ADCY2: variants seen among roughly 807,000 people sequenced by gnomAD.
The protein encoded by ADCY2 is adenylate cyclase type 2.
ADCY2 carries 31 observed loss-of-function variants against 125.2 expected under a neutral mutation model. That is an observed-to-expected ratio of 0.25 (90% CI 0.19 to 0.33). ADCY2 has a LOEUF of 0.33. ADCY2 is among the 10% of genes least tolerant of loss of function. The pLI, the probability that ADCY2 is intolerant of heterozygous loss-of-function variation, is 1.00. For missense variants in ADCY2, 904 were observed against 1,418.2 expected (o/e 0.64, Z 5.82); for synonymous variants, 512 against 548.4 (o/e 0.93, Z 0.93).
At chr5:7,441,268 AT>A (rs1741003642) in intron 2 of ADCY2, among the ~76,000 whole-genome samples, 1 of 152,154 alleles carries the variant, frequency 6.6e-6, no homozygotes, top group African/African-American at 2.4e-5. Flanking sequence ...ACGGAATGGA[AT>A]TGCAGCAGCA....
intron 18 of ADCY2, among the ~76,000 whole-genome samples, chr5:7,774,186 C>T (rs1743643439): frequency 6.6e-6 from 1 of 152,200 alleles, no homozygotes; most frequent in South Asian, 2.1e-4. Context: ...CAATAAGAAC[C>T]TTTGCAGAAG....
intron 3 of ADCY2, among the ~76,000 whole-genome samples, chr5:7,521,439 A>G (rs1381917812): frequency 6.6e-6 from 1 of 152,230 alleles, no homozygotes; most frequent in Non-Finnish European, 1.5e-5. Flanking sequence ...AAGCCATTCT[A>G]TTTAATTAGT....
intron 2 of ADCY2, among the ~76,000 whole-genome samples, chr5:7,482,228 T>C (rs941044541): frequency 6.6e-6 from 1 of 152,208 alleles, no homozygotes; most frequent in Non-Finnish European, 1.5e-5. Context: ...ATGTATCCTT[T>C]TGAGAAATGT....
At chr5:7,771,024 T>G (rs1049172820) in intron 17 of ADCY2, among the ~76,000 whole-genome samples, 1 of 152,200 alleles carries the variant, frequency 6.6e-6, no homozygotes, top group African/African-American at 2.4e-5. Context: ...TGTACCTGTC[T>G]TGCAGAACTC....
intron 18 of ADCY2, among the ~76,000 whole-genome samples, chr5:7,773,711 T>G (rs1257729063): frequency 6.6e-6 from 1 of 152,206 alleles, no homozygotes; most frequent in African/African-American, 2.4e-5. Context: ...CTTTGTTCTG[T>G]GGAGAAATTG....
chr5:7,563,466 T>C (rs569562646), intron 3 of ADCY2, among the ~76,000 whole-genome samples: 1 of 152,150 alleles, frequency 6.6e-6, no homozygotes, highest in East Asian at 2.0e-4. Context: ...AAGGCACTCG[T>C]TTTTTTGGAA....
At chr5:7,545,315 G>C (rs1019202653) in intron 3 of ADCY2, among the ~76,000 whole-genome samples, 3 of 152,192 alleles carry the variant, frequency 2.0e-5, no homozygotes, top group Non-Finnish European at 4.4e-5. Context: ...ACCAGGGTCA[G>C]TATCCACTAA....
At chr5:7,774,706 T>C (rs1228615851) in intron 18 of ADCY2, among the ~76,000 whole-genome samples, 1 of 152,116 alleles carries the variant, frequency 6.6e-6, no homozygotes, top group Non-Finnish European at 1.5e-5. Flanking sequence ...AGGTGTTTTG[T>C]ATTTGCGCTC....
intron 3 of ADCY2, among the ~76,000 whole-genome samples, chr5:7,600,536 C>A (rs1244725636): frequency 6.6e-6 from 1 of 152,022 alleles, no homozygotes; most frequent in Non-Finnish European, 1.5e-5. Flanking sequence ...CAGAGGGAGA[C>A]GAAAGTGAGA....
chr5:7,687,260 G>C (rs1020323701), intron 4 of ADCY2, among the ~76,000 whole-genome samples: 4 of 152,160 alleles, frequency 2.6e-5, no homozygotes, highest in Non-Finnish European at 5.9e-5. Context: ...GTTAAATGAG[G>C]CTCTGAGTGT....
chr5:7,776,132 C>T (rs1009785422), intron 18 of ADCY2, among the ~76,000 whole-genome samples: 13 of 145,746 alleles, frequency 8.9e-5, no homozygotes, highest in Non-Finnish European at 1.3e-4. Context: ...AATCAGTTTT[C>T]TCATCCTTTG....
At chr5:7,610,736 C>T (rs1291003989) in intron 3 of ADCY2, among the ~76,000 whole-genome samples, 11 of 152,194 alleles carry the variant, frequency 7.2e-5, no homozygotes, top group South Asian at 4.2e-4. Flanking sequence ...TGAGTTAGCA[C>T]GGTGGCTTAG....
At chr5:7,820,762 T>C in intron 24 of ADCY2, 73 bp downstream of exon 24, 1 of 1,499,090 alleles carries the variant, frequency 6.7e-7, no homozygotes, top group Non-Finnish European at 8.9e-7. Flanking sequence ...ATAAGTATAA[T>C]AAGGATACTA....
intron 17 of ADCY2, among the ~76,000 whole-genome samples, chr5:7,768,135 C>T (rs1743450609): frequency 6.6e-6 from 1 of 152,202 alleles, no homozygotes; most frequent in Non-Finnish European, 1.5e-5. Flanking sequence ...AGCAATGTCC[C>T]CTTGGGCTTG....
intron 2 of ADCY2, among the ~76,000 whole-genome samples, chr5:7,493,640 A>T (rs911817683): frequency 2.6e-5 from 4 of 152,044 alleles, no homozygotes; most frequent in South Asian, 2.1e-4. Context: ...CAGGAGTGTG[A>T]ATTTGAGGAG....
chr5:7,470,573 C>T (rs938766672), intron 2 of ADCY2, among the ~76,000 whole-genome samples: 2 of 147,518 alleles, frequency 1.4e-5, no homozygotes, highest in African/African-American at 4.9e-5. Context: ...ATATTATATA[C>T]ATTTGACTAT....
intron 4 of ADCY2, among the ~76,000 whole-genome samples, chr5:7,671,952 G>T (rs1739950913): frequency 6.6e-6 from 1 of 152,152 alleles, no homozygotes; most frequent in Non-Finnish European, 1.5e-5. Context: ...TCAAATGAGT[G>T]GGTGAGCTTG....
rs1743988874 is a variant in ADCY2, at chr5:7,509,776, GA to G, written c.409-10959del. 2.0e-5 allele frequency among the ~76,000 whole-genome samples: 3 copies of G among 152,172 alleles called. No individual in the cohort carries two copies. The South Asian group carries it at 6.2e-4, about 32-fold the overall frequency. On this transcript the variant is annotated intron_variant, in intron 2 of 24. Transcript: ENST00000338316. ...TTCTAAGCCTAAGGTAACTGTATGGGAAAGATAAAATCTTTTATACAATCTA... is the reference window on the plus strand; with the variant it reads ...TTCTAAGCCTAAGGTAACTGTATGGGAAGATAAAATCTTTTATACAATCTA...
Position 7,396,466 on chromosome 5 carries a change from C to T in ADCY2, c.170C>T (p.Ser57Phe), listed in dbSNP as rs777145341. The change falls in exon 1 of 25, where the codon TCC becomes TTC. Residue 57 changes from serine (S) to phenylalanine (F), a missense_variant. By Grantham distance (155) the Ser-to-Phe change is radical. Coordinates refer to ENST00000338316, the MANE Select transcript of ADCY2 (RefSeq NM_020546.3). The surrounding 1 kb of genome is among the most constrained non-coding windows in gnomAD (Gnocchi z 5.7). ...IVFLLLIVMG[S>F]CLALLAVFFA... ...TTCCTGCTGCTCATCGTCATGGGCT[C>T]CTGCCTCGCCCTGCTCGCCGTCTTC... is the stretch of plus-strand genomic sequence containing the variant. 1.8e-5 allele frequency: 29 copies of T among 1,571,288 alleles called. No individual in the cohort carries two copies. Among genetic ancestry groups the T allele is most frequent in the Non-Finnish European group, 2.3e-5 (27 of 1,159,382 alleles).
Sources: gnomAD v4.1 joint callset for allele counts (sites outside exome capture counted in the v4.1 genomes callset) on GRCh38, gnomAD v4.1.1 for gene constraint, Gnocchi (gnomAD v3.1) non-coding constraint, MANE v1.5 for transcripts, NCBI Gene and HGNC (gene_info 2026-07-23, HGNC 2026-07-21) for gene names.